Variants in PRKAA1 observed in about 807,000 individuals in gnomAD.
The protein encoded by PRKAA1 is protein kinase AMP-activated catalytic subunit alpha 1, also known as 5'-AMP-activated protein kinase catalytic subunit alpha-1.
Under a neutral mutation model 56.9 loss-of-function variants are expected in PRKAA1, and 23 were observed. The ratio of observed to expected loss-of-function variants is 0.40; its 90% CI spans 0.29 to 0.57. The LOEUF (loss-of-function observed/expected upper bound fraction) is 0.57. Among genes scored for constraint, PRKAA1 ranks in the 20% least tolerant of loss-of-function variants. The pLI is 0.39. For missense variants in PRKAA1, 413 were observed against 679.7 expected, an observed-to-expected ratio of 0.61 and a Z score of 4.36; for synonymous variants, 226 against 227.0, an observed-to-expected ratio of 1.00 and a Z score of 0.04.
intron 3 of PRKAA1, among the ~76,000 whole-genome samples, chr5:40,773,000 A>G (rs1331676571): frequency 1.3e-5 from 2 of 152,184 alleles, no homozygotes; most frequent in Non-Finnish European, 1.5e-5. Context: ...CATAAGTGAC[A>G]GCCATTACTT....
Position 40,798,218 on chromosome 5 carries a change from G to GCCCT in PRKAA1, c.-30_-29insAGGG. 2.1e-6 allele frequency: 1 copy of GCCCT among 480,800 alleles called. No homozygotes were observed. The highest frequency in any genetic ancestry group is 3.5e-6 in the Non-Finnish European group (1 of 282,392). 29.8% of individuals were successfully genotyped at this position (480,800 alleles called of 1,614,324 possible). A position where few individuals can be genotyped will look rare whatever the true frequency, so the allele number is the denominator to read the frequency against. On this transcript the variant is annotated 5_prime_UTR_variant, in exon 1 of 9. Coordinates refer to ENST00000397128, the MANE Select transcript of PRKAA1 (RefSeq NM_006251.6). ...GCTGCGGGAGGGGGCGGAGGGGGCG[G>GCCCT]GCAGGGCCGCGCCGGGGGCGGGCGG...
chr5:40,783,756 C>G (rs1307725845), intron 1 of PRKAA1, among the ~76,000 whole-genome samples: 1 of 151,028 alleles, frequency 6.6e-6, no homozygotes, highest in African/African-American at 2.4e-5. Flanking sequence ...GAGACTCCAT[C>G]TCAAAAAAAA....
chr5:40,766,583 G>T (rs1392056631), intron 6 of PRKAA1, among the ~76,000 whole-genome samples: 6 of 151,972 alleles, frequency 3.9e-5, no homozygotes, highest in Non-Finnish European at 7.4e-5. Context: ...GTAATTCAAT[G>T]TATACTACCA....
intron 1 of PRKAA1, among the ~76,000 whole-genome samples, chr5:40,790,417 A>G (rs1744666282): frequency 6.6e-6 from 1 of 152,100 alleles, no homozygotes; most frequent in Non-Finnish European, 1.5e-5. Flanking sequence ...GGAGTTATTT[A>G]GCAGGATAGG....
In PRKAA1 at chr5:40,764,787, A is replaced by G. The variant is rs772818846; in HGVS notation, c.1273T>C (p.Cys425Arg). The G allele has an allele frequency of 1.9e-6, 3 of 1,613,726 alleles. No homozygotes were observed. The highest frequency in any genetic ancestry group is 2.5e-6 in the Non-Finnish European group (3 of 1,179,788). The change falls in exon 7 of 9, where the codon TGT (cysteine) becomes CGT (arginine). Residue 425 changes from cysteine to arginine, a missense_variant. Cys to Arg is a radical substitution (Grantham distance 180, BLOSUM62 -3). This residue lies in a region of PRKAA1 where 139 missense variants were observed against 171.5 expected (regional missense o/e 0.81). Transcript: ENST00000397128. ...SRPNDIMAEV[C>R]RAIKQLDYEW... ...TAATCCAATTGTTTGATTGCTCTAC[A>G]TACTTCTGCCATAATATCATTTGGT...
chr5:40,778,277 A>T (rs908014781), intron 1 of PRKAA1, among the ~76,000 whole-genome samples: 5 of 152,086 alleles, frequency 3.3e-5, no homozygotes, highest in African/African-American at 9.7e-5. Flanking sequence ...ATATATTTAG[A>T]CATATTATAA....
intron 1 of PRKAA1, among the ~76,000 whole-genome samples, chr5:40,797,241 G>T (rs554743513): frequency 4.0e-4 from 61 of 152,188 alleles, no homozygotes; most frequent in Non-Finnish European, 7.5e-4. Context: ...AAGTTCGAAT[G>T]ATGTGCACTT....
At chr5:40,796,014 A>G (rs912608134) in intron 1 of PRKAA1, among the ~76,000 whole-genome samples, 4 of 152,358 alleles carry the variant, frequency 2.6e-5, no homozygotes, top group Admixed American at 2.6e-4. Context: ...AAAACCACTT[A>G]GCAAATACGA....
chr5:40,796,794 G>T (rs1379537347), intron 1 of PRKAA1, among the ~76,000 whole-genome samples: 1 of 152,200 alleles, frequency 6.6e-6, no homozygotes, highest in Non-Finnish European at 1.5e-5. Context: ...CTCTGGAAGA[G>T]TAAGGCTCAG....
At chr5:40,790,525 C>CTCTT (rs546238399) in intron 1 of PRKAA1, among the ~76,000 whole-genome samples, 56,922 of 109,770 alleles carry the variant, frequency 0.52, 12,648 homozygotes, top group Admixed American at 0.6. Context: ...TCAACTCTTT[C>CTCTT]TTTTTTTTTT....
At chr5:40,765,350 A>C in intron 6 of PRKAA1, 112 bp from the exon 7 acceptor site, 1 of 1,255,452 alleles carries the variant, frequency 8.0e-7, no homozygotes, top group Non-Finnish European at 1.1e-6. Flanking sequence ...TTCATACTGT[A>C]TTATTGTCAC....
chr5:40,775,080 A>G, intron 3 of PRKAA1: 1 of 895,900 alleles, frequency 1.1e-6, no homozygotes, highest in Non-Finnish European at 1.7e-6. Flanking sequence ...ACATTAAGAT[A>G]CATATTCAAA....
chr5:40,780,803 G>A (rs560414113), intron 1 of PRKAA1, among the ~76,000 whole-genome samples: 5 of 152,232 alleles, frequency 3.3e-5, no homozygotes, highest in African/African-American at 7.2e-5. Context: ...GGTGGCCACC[G>A]CTATTGAGGG....
chr5:40,771,919 A>C, intron 3 of PRKAA1, 56 bp from the exon 4 acceptor site: 1 of 1,561,742 alleles, frequency 6.4e-7, no homozygotes, highest in South Asian at 1.2e-5. Flanking sequence ...AAATTGTCCT[A>C]TCTATAATTC....
At chr5:40,781,993 T>C (rs1744284920) in intron 1 of PRKAA1, among the ~76,000 whole-genome samples, 2 of 152,344 alleles carry the variant, frequency 1.3e-5, no homozygotes, top group East Asian at 3.9e-4. Context: ...AGAACAAGTA[T>C]GTTGAAACCT....
rs1312020315 is a variant in PRKAA1 at position 40,771,333 on chromosome 5, T to C, written c.508+386A>G. 2.0e-5 allele frequency among the ~76,000 whole-genome samples: 3 copies of C among 152,126 alleles called. No individual in the cohort carries two copies. In the East Asian group the frequency reaches 5.8e-4, roughly 29 times the overall value. ...GCAGCCTGGACAACATAGTGAGAAC[T>C]TGTCTCTACAAAAAGACAAAACAGC... On this transcript the variant is annotated intron_variant, in intron 4 of 8. Coordinates refer to ENST00000397128, the MANE Select transcript of PRKAA1 (RefSeq NM_006251.6).
chr5:40,771,569 G>A (rs1261747368), intron 4 of PRKAA1, 150 bp downstream of exon 4: 6 of 698,494 alleles, frequency 8.6e-6, no homozygotes, highest in African/African-American at 1.9e-5. Context: ...TCTTCTTTTT[G>A]TATCTTCATA....
At chr5:40,775,774 A>G (rs967497156) in intron 2 of PRKAA1, among the ~76,000 whole-genome samples, 3 of 152,200 alleles carry the variant, frequency 2.0e-5, no homozygotes, top group African/African-American at 7.2e-5. Flanking sequence ...GCTAAAGGAA[A>G]GCCTCTAATA....
rs780635395 is a variant in PRKAA1, at chr5:40,794,829, C to G, written c.127+3234G>C. Among the ~76,000 whole-genome samples, 25 of 96,834 alleles carry G rather than the reference C, an allele frequency of 2.6e-4. 6 individuals are homozygous for G. The highest frequency in any genetic ancestry group is 4.3e-4 in the Non-Finnish European group (17 of 39,824). The allele number at this position is 96,834 out of a possible 152,430, so 63.5% of individuals were successfully genotyped here. On this transcript the variant is annotated intron_variant, in intron 1 of 8. Coordinates refer to ENST00000397128, the MANE Select transcript of PRKAA1 (RefSeq NM_006251.6). ...AACAGTGTAGATATTCCTTAAAGAACTAAAAGTAGAACTACCATTTGATCC... is the reference window on the plus strand; with the variant it reads ...AACAGTGTAGATATTCCTTAAAGAAGTAAAAGTAGAACTACCATTTGATCC...
Sources: allele counts gnomAD v4.1 joint callset (sites outside exome capture counted in the v4.1 genomes callset), GRCh38; gene constraint gnomAD v4.1.1; regional missense constraint gnomAD v4.1.1; transcripts MANE v1.5; gene names NCBI Gene and HGNC (gene_info 2026-07-23, HGNC 2026-07-21).